Variants in MAX observed in about 807,000 individuals in gnomAD.
MAX encodes the protein MYC associated transcriptional regulator X.
A neutral mutation model predicts 22.3 loss-of-function variants in MAX; 3 were observed. That is an observed-to-expected ratio of 0.13 (90% CI 0.06 to 0.35). The LOEUF is 0.35. Among genes scored for constraint, MAX ranks in the 10% least tolerant of loss-of-function variants. The probability of loss-of-function intolerance (pLI) is 1.00; values close to 1 mark genes in which losing one functional copy is unlikely to be tolerated. For synonymous variants in MAX, 72 were observed against 77.7 expected (o/e 0.93, Z 0.39); for missense variants, 119 against 209.4 (o/e 0.57, Z 2.66).
At chr14:65,100,150 T>G (rs1218387541) in intron 2 of MAX, among the ~76,000 whole-genome samples, 1 of 152,186 alleles carries the variant, frequency 6.6e-6, no homozygotes, top group East Asian at 1.9e-4. Flanking sequence ...TTCTAATCTT[T>G]CTTAAAAAAT....
At chr14:65,034,378 G>C (rs1173406328) in intron 3 of MAX, among the ~76,000 whole-genome samples, 2 of 152,160 alleles carry the variant, frequency 1.3e-5, no homozygotes, top group Non-Finnish European at 2.9e-5. Context: ...CCCAAAAAAG[G>C]GTACCTGGGA....
chr14:65,085,457 C>T (rs879546795), intron 3 of MAX, among the ~76,000 whole-genome samples: 1 of 152,176 alleles, frequency 6.6e-6, no homozygotes, highest in Non-Finnish European at 1.5e-5. Flanking sequence ...TTCCGAATCT[C>T]AAGATGCGAA....
intron 3 of MAX, among the ~76,000 whole-genome samples, chr14:65,065,840 T>G (rs1281139825): frequency 6.6e-6 from 1 of 152,228 alleles, no homozygotes; most frequent in Non-Finnish European, 1.5e-5. Flanking sequence ...GCCTCTCATT[T>G]GATCCTTGAC....
At position 65,055,985 on chromosome 14, in the gene MAX, GT is replaced by G. The variant is rs200188229; in HGVS notation, c.171+37722del. The stretch of plus-strand genomic sequence containing the variant: ...TTGCCTCTTATGTAGCCCTCTTCCA[GT>G]TTTTTTTCCTCCCTCCTTCTCCAGA... On this transcript the variant is annotated intron_variant, in intron 3 of 3. Coordinates refer to the MAX transcript ENST00000341653. Among the ~76,000 whole-genome samples the G allele has an allele frequency of 4.2e-3, 636 of 152,020 alleles. 10 individuals are homozygous for G. Among genetic ancestry groups the G allele is most frequent in the East Asian group, 0.04 (209 of 5,174 alleles).
intron 3 of MAX, among the ~76,000 whole-genome samples, chr14:65,080,806 A>G (rs1216211645): frequency 6.6e-6 from 1 of 152,242 alleles, no homozygotes; most frequent in Non-Finnish European, 1.5e-5. Flanking sequence ...CAATCTCTGA[A>G]ACCAGAGAGC....
intron 3 of MAX, among the ~76,000 whole-genome samples, chr14:65,048,873 T>G (rs1203064001): frequency 6.6e-6 from 1 of 151,620 alleles, no homozygotes; most frequent in Non-Finnish European, 1.5e-5. Context: ...AAGCCTGTAA[T>G]CCCAGCATTT....
chr14:65,010,419 T>C (rs761099731), intron 3 of MAX, among the ~76,000 whole-genome samples: 5 of 152,358 alleles, frequency 3.3e-5, no homozygotes, highest in South Asian at 4.1e-4. Context: ...AGCAGCCTGA[T>C]TGACATCATC....
intron 3 of MAX, among the ~76,000 whole-genome samples, chr14:65,008,164 A>AT (rs1349377966): frequency 2.6e-5 from 4 of 152,140 alleles, no homozygotes; most frequent in African/African-American, 4.8e-5. Context: ...CCAGGTGCTT[A>AT]TTTTTTGACT....
intron 3 of MAX, among the ~76,000 whole-genome samples, chr14:65,060,719 A>G (rs1226032176): frequency 6.9e-6 from 1 of 144,554 alleles, no homozygotes; most frequent in Admixed American, 6.8e-5. Flanking sequence ...AAAAAAATAC[A>G]AAAATTACCC....
Position 65,031,252 on chromosome 14 carries a change from G to A in MAX, c.172-24968C>T, listed in dbSNP as rs749355877. Among the ~76,000 whole-genome samples the A allele has an allele frequency of 6.6e-6, 1 of 152,066 alleles. No homozygotes were observed. Among genetic ancestry groups the A allele is most frequent in the African/African-American group, 2.4e-5 (1 of 41,410 alleles). ...GAGAAGCTGAAATAAAATGTGCCCCGAGAAGAATTAGGGCTGGGAGGATGG... is the reference window on the plus strand; with the variant it reads ...GAGAAGCTGAAATAAAATGTGCCCCAAGAAGAATTAGGGCTGGGAGGATGG... On this transcript the variant is annotated intron_variant, in intron 3 of 3. Transcript: ENST00000341653. This position sits in a 1 kb window ranked among gnomAD's most constrained non-coding sequence, Gnocchi z 4.6.
intron 3 of MAX, among the ~76,000 whole-genome samples, chr14:65,060,510 A>C (rs1379507771): frequency 3.9e-5 from 5 of 127,060 alleles, no homozygotes; most frequent in Non-Finnish European, 7.6e-5. Flanking sequence ...TCCCGGCTAA[A>C]ACGGTGAAAC....
chr14:65,048,763 A>C (rs2062543072), intron 3 of MAX, among the ~76,000 whole-genome samples: 1 of 151,370 alleles, frequency 6.6e-6, no homozygotes, highest in Non-Finnish European at 1.5e-5. Context: ...GCTGAGGTAG[A>C]AGGATCACTT....
At chr14:65,037,726 CTTATTTATTTATTTATTATTTATTTAT>C (rs1367294839) in intron 3 of MAX, among the ~76,000 whole-genome samples, 7 of 117,544 alleles carry the variant, frequency 6.0e-5, no homozygotes, top group East Asian at 2.5e-4. Context: ...TGCCCAGCCT[CTTATTTATTTATTTATTATTTATTTAT>C]TTATTTATTT....
At chr14:65,036,468 C>T (rs2062195978) in intron 3 of MAX, among the ~76,000 whole-genome samples, 2 of 151,792 alleles carry the variant, frequency 1.3e-5, no homozygotes, top group Admixed American at 6.6e-5. Flanking sequence ...AACCCCTGAG[C>T]TTAAGCAATC....
intron 3 of MAX, among the ~76,000 whole-genome samples, chr14:65,037,748 A>T (rs199898733): frequency 1.2e-4 from 9 of 75,744 alleles, no homozygotes; most frequent in Non-Finnish European, 1.7e-4. Context: ...TTTATTATTT[A>T]TTTATTTATT....
At position 65,092,151 on chromosome 14, in the gene MAX, C is replaced by A. The variant is rs148170582; in HGVS notation, c.171+1557G>T. On this transcript the variant is annotated intron_variant, in intron 3 of 4. Coordinates refer to ENST00000358664, the MANE Select transcript of MAX (RefSeq NM_002382.5). ...AAAGGTATAGTTGTGATCCTATGACCCACCTCTCCCAATGTATTCAAACTT... is the reference window on the plus strand; with the variant it reads ...AAAGGTATAGTTGTGATCCTATGACACACCTCTCCCAATGTATTCAAACTT... Among the ~76,000 whole-genome samples the A allele has an allele frequency of 6.9e-4, 105 of 152,192 alleles. 1 individual carries two copies. The highest frequency in any genetic ancestry group is 2.5e-3 in the African/African-American group (103 of 41,508).
At chr14:65,064,496 C>T (rs1302385597) in intron 3 of MAX, among the ~76,000 whole-genome samples, 1 of 152,170 alleles carries the variant, frequency 6.6e-6, no homozygotes, top group Non-Finnish European at 1.5e-5. Context: ...TGTAAAATGG[C>T]AGCACCAATA....
chr14:65,102,498 G>A lies in MAX; in HGVS notation c.-159C>T, dbSNP rs1256885601. 2.7e-6 allele frequency: 4 copies of A among 1,487,048 alleles called. No homozygotes were observed. The highest frequency in any genetic ancestry group is 1.4e-5 in the African/African-American group (1 of 72,258). The allele number at this position is 1,487,048 out of a possible 1,614,324, so 92.1% of individuals were successfully genotyped here. On this transcript the variant is annotated 5_prime_UTR_variant, in exon 1 of 5. Coordinates refer to ENST00000358664, the MANE Select transcript of MAX (RefSeq NM_002382.5). ...TCACTCACACACACACACAACACGG[G>A]CAAGAACCACCTCCTCACTGCAGCA...
At chr14:65,046,975 A>G (rs532542075) in intron 3 of MAX, among the ~76,000 whole-genome samples, 1 of 152,368 alleles carries the variant, frequency 6.6e-6, no homozygotes, top group East Asian at 1.9e-4. Flanking sequence ...AAAGGTGCGA[A>G]AAATATTTAT....
Sources: gnomAD v4.1 joint callset for allele counts (sites outside exome capture counted in the v4.1 genomes callset) on GRCh38, gnomAD v4.1.1 for gene constraint, Gnocchi (gnomAD v3.1) non-coding constraint, MANE v1.5 for transcripts, NCBI Gene and HGNC (gene_info 2026-07-23, HGNC 2026-07-21) for gene names.